MYO18A: variants seen among roughly 807,000 people sequenced by gnomAD.
MYO18A encodes the protein myosin XVIIIA, also known as unconventional myosin-XVIIIa.
Under a neutral mutation model 235.8 loss-of-function variants are expected in MYO18A, and 78 were observed. That is an observed-to-expected ratio of 0.33 (90% CI 0.28 to 0.40). The LOEUF (loss-of-function observed/expected upper bound fraction) is 0.40. MYO18A is among the 10% of genes least tolerant of loss of function. MYO18A has a pLI of 1.00. For missense variants in MYO18A, 2,215 were observed against 2,699.3 expected (o/e 0.82, Z 3.98); for synonymous variants, 977 against 1,077.8 (o/e 0.91, Z 1.83).
Position 29,166,835 on chromosome 17 carries a change from G to C in MYO18A, c.106C>G (p.Leu36Val), listed in dbSNP as rs751443540. The C allele has an allele frequency of 6.3e-7, 1 of 1,586,586 alleles. No individual in the cohort carries two copies. Among genetic ancestry groups the C allele is most frequent in the East Asian group, 2.3e-5 (1 of 43,274 alleles). ...ERMSAAELRS[L>V]EEMSLRRGFF... ...CCACGTCGCAGGCTCATCTCCTCCA[G>C]GCTCCGAAGCTCTGCCGCTGACATC... The change falls in exon 2 of 42, where the codon CTG becomes GTG. Residue 36 changes from leucine to valine, a missense_variant. Physicochemically the swap from Leu to Val is conservative, Grantham distance 32 (BLOSUM62 1). Transcript: ENST00000527372.
chr17:29,079,325 C>A (rs2066059507), intron 41 of MYO18A, among the ~76,000 whole-genome samples: 1 of 152,214 alleles, frequency 6.6e-6, no homozygotes, highest in Admixed American at 6.5e-5. Flanking sequence ...GGCAACAACC[C>A]TTCCCAGCTG....
chr17:29,102,710 T>C (rs140687089), intron 21 of MYO18A, among the ~76,000 whole-genome samples: 12 of 152,214 alleles, frequency 7.9e-5, no homozygotes, highest in African/African-American at 1.7e-4. Context: ...ATGGGAGCGA[T>C]TGACAGAGAC....
chr17:29,116,613 G>GCGCACACACACACACACACACACA (rs1555532996), intron 10 of MYO18A, among the ~76,000 whole-genome samples, 158 bp from the exon 11 acceptor site: 5 of 144,806 alleles, frequency 3.5e-5, no homozygotes, highest in African/African-American at 1.3e-4. Context: ...TGGGACAAAC[G>GCGCACACACACACACACACACACA]CACACACACA....
chr17:29,087,210 C>A, intron 37 of MYO18A, 89 bp from the exon 38 acceptor site: 1 of 1,379,750 alleles, frequency 7.2e-7, no homozygotes. Context: ...GGTGAGGAGG[C>A]CTGGGGTCGA....
In MYO18A at chr17:29,125,715, C is replaced by G. The variant is rs1199109097; in HGVS notation, c.1000-3462G>C. 6.6e-6 allele frequency among the ~76,000 whole-genome samples: 1 copy of G among 152,210 alleles called. No individual in the cohort carries two copies. Among genetic ancestry groups the G allele is most frequent in the Non-Finnish European group, 1.5e-5 (1 of 68,040 alleles). On this transcript the variant is annotated intron_variant, in intron 2 of 41. Coordinates refer to ENST00000527372, the MANE Select transcript of MYO18A (RefSeq NM_078471.4). The surrounding 1 kb of genome is among the most constrained non-coding windows in gnomAD (Gnocchi z 5.1). Reference sequence around the variant, plus strand: ...CAGGACTTTGGGCTCTCTGGAGGAACCACTCTCCCCAGAGCACTTCTCTCA... The same window carrying G: ...CAGGACTTTGGGCTCTCTGGAGGAAGCACTCTCCCCAGAGCACTTCTCTCA...
At chr17:29,080,638 C>A in intron 41 of MYO18A, 1 of 985,604 alleles carries the variant, frequency 1.0e-6, no homozygotes, top group Non-Finnish European at 1.2e-6. Flanking sequence ...TTCGCCAGAG[C>A]CCCGCCGCGT....
At chr17:29,083,558 A>ACACACACACACACACG (rs1568038715) in intron 40 of MYO18A, among the ~76,000 whole-genome samples, 14 of 151,704 alleles carry the variant, frequency 9.2e-5, no homozygotes, top group Middle Eastern at 3.4e-3. Context: ...ACACACACAC[A>ACACACACACACACACG]CGAAACCAGC....
At chr17:29,124,786 C>T (rs570283362) in intron 2 of MYO18A, 31 of 1,032,350 alleles carry the variant, frequency 3.0e-5, no homozygotes, top group Admixed American at 1.4e-4. Context: ...TCAAGTGGGC[C>T]GGCACTCTCT....
In MYO18A at chr17:29,076,333, A is replaced by AT. The variant is rs1555620931; in HGVS notation, c.6021-1420dup. On this transcript the variant is annotated intron_variant, in intron 41 of 41. Transcript: ENST00000527372. ...CCGCCACTCGATTGGTTGACCTGAG[A>AT]TTAAAAAAAAAAAAAAAAAAAAAGG... 12 of 123,834 alleles carry AT rather than the reference A, an allele frequency of 9.7e-5. No individual in the cohort carries two copies. In the East Asian group the frequency reaches 4.3e-3, roughly 45 times the overall value. The allele number at this position is 123,834 out of a possible 1,614,324, so 7.7% of individuals were successfully genotyped here.
intron 2 of MYO18A, among the ~76,000 whole-genome samples, chr17:29,146,060 C>A (rs926316760): frequency 6.6e-6 from 1 of 152,146 alleles, no homozygotes; most frequent in Non-Finnish European, 1.5e-5. Flanking sequence ...GAGCTCGAGA[C>A]CAGCCTGGCC....
intron 1 of MYO18A, among the ~76,000 whole-genome samples, chr17:29,169,601 T>C (rs1326105977): frequency 2.0e-5 from 3 of 152,090 alleles, no homozygotes; most frequent in African/African-American, 7.2e-5. Flanking sequence ...TCTTCAGCTG[T>C]TACTGCCCAC....
rs999245182 is a variant in MYO18A, at chr17:29,074,844, A to G, written c.6091T>C (p.Ser2031Pro). Residue 2031 changes from serine (S) to proline (P), a missense_variant, in exon 42 of 42, where the codon TCC becomes CCC. By Grantham distance (74) the Ser-to-Pro change is moderately conservative. Coordinates refer to ENST00000527372, the MANE Select transcript of MYO18A (RefSeq NM_078471.4). The surrounding 1 kb of genome is among the most constrained non-coding windows in gnomAD (Gnocchi z 4.4). ...DDEHDPLDNTSRPRYSHSYLS... is the reference protein window; with the variant it reads ...DDEHDPLDNTPRPRYSHSYLS... Reference sequence around the variant, plus strand: ...TAACTGTGGGAGTATCGCGGTCTGGAGGTGTTGTCGAGAGGGTCGTGCTCA... The same window carrying G: ...TAACTGTGGGAGTATCGCGGTCTGGGGGTGTTGTCGAGAGGGTCGTGCTCA... The G allele has an allele frequency of 1.9e-6, 3 of 1,613,664 alleles. No homozygotes were observed. The African/African-American group carries it at 4.0e-5, about 22-fold the overall frequency.
At chr17:29,138,004 T>C (rs1040281294) in intron 2 of MYO18A, among the ~76,000 whole-genome samples, 2 of 152,200 alleles carry the variant, frequency 1.3e-5, no homozygotes, top group Admixed American at 1.3e-4. Flanking sequence ...ACTGAGGGAC[T>C]GTCAAGCCTC....
chr17:29,118,056 C>T lies in MYO18A; in HGVS notation c.2027G>A (p.Gly676Glu). The change falls in exon 10 of 42, where the codon GGA becomes GAA. Residue 676 changes from glycine to glutamate, a missense_variant. Transcript: ENST00000527372. The surrounding 1 kb of genome is among the most constrained non-coding windows in gnomAD (Gnocchi z 4.2). ...LAAIYHLGAA[G>E]ATKEAAEAGR... ...CCACTGCAGGTTACCTTTGGTGGCTCCCGCAGCCCCCAGGTGGTAGATGGC... is the reference window on the plus strand; with the variant it reads ...CCACTGCAGGTTACCTTTGGTGGCTTCCGCAGCCCCCAGGTGGTAGATGGC... The T allele has an allele frequency of 6.3e-7, 1 of 1,582,638 alleles. No individual in the cohort carries two copies. The highest frequency in any genetic ancestry group is 1.7e-4 in the Middle Eastern group (1 of 5,946).
chr17:29,121,614 T>TGCA lies in MYO18A; in HGVS notation c.1301_1303dup (p.Leu434dup), dbSNP rs765279445. On this transcript the variant is annotated inframe_insertion, in exon 5 of 42. Transcript: ENST00000527372. The surrounding 1 kb of genome is among the most constrained non-coding windows in gnomAD (Gnocchi z 4.2). The stretch of plus-strand genomic sequence containing the variant: ...CAGCAGGCTGGGGCCAGCATACGTG[T>TGCA]GCAGCAGGCTAGCGCCATAGCGCTG... 5 of 1,592,954 alleles carry TGCA rather than the reference T, an allele frequency of 3.1e-6. No homozygotes were observed. Among genetic ancestry groups the TGCA allele is most frequent in the Non-Finnish European group, 4.3e-6 (5 of 1,170,270 alleles).
At chr17:29,080,849 G>T in intron 41 of MYO18A, 1 of 985,396 alleles carries the variant, frequency 1.0e-6, no homozygotes, top group Non-Finnish European at 1.2e-6. Flanking sequence ...GGCCTCTCAG[G>T]GGAGGCCGCC....
In MYO18A at chr17:29,126,564, CA is replaced by C. The variant is rs2067327411; in HGVS notation, c.1000-4312del. 6.6e-6 allele frequency among the ~76,000 whole-genome samples: 1 copy of C among 152,054 alleles called. No homozygotes were observed. The highest frequency in any genetic ancestry group is 1.5e-5 in the Non-Finnish European group (1 of 67,994). On this transcript the variant is annotated intron_variant, in intron 2 of 41. Coordinates refer to ENST00000527372, the MANE Select transcript of MYO18A (RefSeq NM_078471.4). This position sits in a 1 kb window ranked among gnomAD's most constrained non-coding sequence, Gnocchi z 4.1. ...AATGCCCAGGAAGAATGGGGAGCAA[CA>C]AGGCTCCCCAGGTCCCAGGAGGTAA...
At chr17:29,101,156 C>T (rs143082615) in intron 21 of MYO18A, among the ~76,000 whole-genome samples, 13 of 152,214 alleles carry the variant, frequency 8.5e-5, no homozygotes, top group African/African-American at 2.9e-4. Flanking sequence ...CACCACCATT[C>T]CCAGCTAATT....
At chr17:29,093,571 A>G (rs1172701192) in intron 31 of MYO18A, 144 bp from the exon 32 acceptor site, 17 of 670,156 alleles carry the variant, frequency 2.5e-5, no homozygotes, top group Admixed American at 7.5e-5. Context: ...CAGAACCTAA[A>G]TTCCAGGTTT....
Sources: gnomAD v4.1 joint callset for allele counts (sites outside exome capture counted in the v4.1 genomes callset) on GRCh38, gnomAD v4.1.1 for gene constraint, Gnocchi (gnomAD v3.1) non-coding constraint, MANE v1.5 for transcripts, NCBI Gene and HGNC (gene_info 2026-07-23, HGNC 2026-07-21) for gene names.